YWHAG: variants seen among roughly 807,000 people sequenced by gnomAD.
YWHAG encodes tyrosine 3-monooxygenase/tryptophan 5-monooxygenase activation protein gamma.
Under a neutral mutation model 23.3 loss-of-function variants are expected in YWHAG, and 1 was observed. That is an observed-to-expected ratio of 0.04 (90% CI 0.02 to 0.20). The LOEUF is 0.20. Ranked by LOEUF, YWHAG falls within the 10% of genes least tolerant of loss-of-function variation. The probability of loss-of-function intolerance (pLI) is 1.00; values close to 1 mark genes in which losing one functional copy is unlikely to be tolerated. For missense variants in YWHAG, 151 were observed against 338.6 expected, an observed-to-expected ratio of 0.45 and a Z score of 4.35; for synonymous variants, 160 against 144.0, an observed-to-expected ratio of 1.11 and a Z score of -0.80.
At chr7:76,350,442 G>A (rs1476019243) in intron 1 of YWHAG, among the ~76,000 whole-genome samples, 2 of 152,192 alleles carry the variant, frequency 1.3e-5, no homozygotes, top group African/African-American at 4.8e-5. Context: ...GTGCCTGAAA[G>A]ATACCAGATA....
chr7:76,335,777 C>T (rs1030963229), intron 1 of YWHAG, among the ~76,000 whole-genome samples: 1 of 152,162 alleles, frequency 6.6e-6, no homozygotes, highest in Admixed American at 6.5e-5. Flanking sequence ...ATGGCGAAAC[C>T]CTGTCTCTAC....
rs1262235422 is a variant in YWHAG, at chr7:76,339,756, T to C, written c.88-9523A>G. ...GACTTTTACAATGACCCACTTCCAC[T>C]TAATGAAGAGTAAATACAGTTTCTC... is the stretch of plus-strand genomic sequence containing the variant. On this transcript the variant is annotated intron_variant, in intron 1 of 1. Coordinates refer to ENST00000307630, the MANE Select transcript of YWHAG (RefSeq NM_012479.4). 2.0e-5 allele frequency among the ~76,000 whole-genome samples: 3 copies of C among 152,284 alleles called. No homozygotes were observed. The East Asian group carries it at 5.8e-4, about 29-fold the overall frequency.
At chr7:76,357,686 A>T (rs535391130) in intron 1 of YWHAG, among the ~76,000 whole-genome samples, 16 of 152,108 alleles carry the variant, frequency 1.1e-4, no homozygotes, top group Non-Finnish European at 8.8e-5. Flanking sequence ...AACAACCAAA[A>T]ATTTTTAAAA....
At chr7:76,342,349 C>A (rs77350324) in intron 1 of YWHAG, among the ~76,000 whole-genome samples, 14,440 of 152,180 alleles carry the variant, frequency 0.095, 761 homozygotes, top group East Asian at 0.2. Flanking sequence ...ATAATCCACA[C>A]CTTCCTCCCC....
rs145754520 is a variant in YWHAG at position 76,329,742 on chromosome 7, C to A, written c.579G>T (p.Ala193=). ...YYEIQNAPEQ[A]CHLAKTAFDD... is the part of the protein sequence containing the mutation. The stretch of plus-strand genomic sequence containing the variant: ...CGAACGCGGTCTTGGCCAAGTGGCA[C>A]GCTTGCTCTGGGGCGTTCTGGATCT... The change falls in exon 2 of 2, where the codon GCG becomes GCT. Residue 193 remains alanine (A), a synonymous_variant. Transcript: ENST00000307630. This position sits in a 1 kb window ranked among gnomAD's most constrained non-coding sequence, Gnocchi z 6.1. 19 of 1,614,040 alleles carry A rather than the reference C, an allele frequency of 1.2e-5. No homozygotes were observed. Among genetic ancestry groups the A allele is most frequent in the Non-Finnish European group, 1.6e-5 (19 of 1,180,044 alleles).
chr7:76,330,229 G>A lies in YWHAG; in HGVS notation c.92C>T (p.Thr31Ile). 6.2e-7 allele frequency: 1 copy of A among 1,611,000 alleles called. No homozygotes were observed. ...ATTCGACAGTGGCTCATTCAGCTCT[G>A]TCACCTGCCAGGAGGAAAGAACAGA... ...DDMAAAMKNVTELNEPLSNEE... is the reference protein window; with the variant it reads ...DDMAAAMKNVIELNEPLSNEE... The change falls in exon 2 of 2, where the codon ACA (threonine) becomes ATA (isoleucine). Residue 31 changes from threonine to isoleucine, a missense_variant. Transcript: ENST00000307630.
At chr7:76,348,264 CG>C (rs1304818994) in intron 1 of YWHAG, among the ~76,000 whole-genome samples, 2 of 109,866 alleles carry the variant, frequency 1.8e-5, no homozygotes, top group East Asian at 3.8e-4. Flanking sequence ...CCTTAGACTT[CG>C]TTTTTTTTTT....
intron 1 of YWHAG, among the ~76,000 whole-genome samples, chr7:76,336,493 T>C (rs975641052): frequency 6.8e-6 from 1 of 146,740 alleles, no homozygotes; most frequent in Non-Finnish European, 1.5e-5. Context: ...TTTCACTCTG[T>C]CACCCAGGCT....
At chr7:76,331,306 A>AG (rs796983851) in intron 1 of YWHAG, among the ~76,000 whole-genome samples, 7 of 151,976 alleles carry the variant, frequency 4.6e-5, no homozygotes, top group African/African-American at 7.3e-5. Flanking sequence ...AGGAGAGGAG[A>AG]GAAGAAAAGT....
At chr7:76,342,747 T>C (rs1216565154) in intron 1 of YWHAG, among the ~76,000 whole-genome samples, 1 of 152,140 alleles carries the variant, frequency 6.6e-6, no homozygotes, top group Non-Finnish European at 1.5e-5. Flanking sequence ...TCAAACAAAC[T>C]AGTGACTATT....
chr7:76,338,539 GC>G (rs1803647868), intron 1 of YWHAG, among the ~76,000 whole-genome samples: 1 of 152,072 alleles, frequency 6.6e-6, no homozygotes, highest in South Asian at 2.1e-4. Context: ...AAAAACTCCA[GC>G]CCTCAGGCTG....
chr7:76,334,025 A>G (rs1161881736), intron 1 of YWHAG, among the ~76,000 whole-genome samples: 1 of 152,242 alleles, frequency 6.6e-6, no homozygotes, highest in Non-Finnish European at 1.5e-5. Context: ...AGATTATGAA[A>G]TGCCAGGATC....
intron 1 of YWHAG, among the ~76,000 whole-genome samples, chr7:76,344,242 C>G (rs1345091006): frequency 1.3e-5 from 2 of 152,150 alleles, no homozygotes; most frequent in African/African-American, 4.8e-5. Flanking sequence ...TCCCAAGTAT[C>G]TGGGACCACA....
At position 76,329,925 on chromosome 7, in the gene YWHAG, G is replaced by C. The variant is rs541111384; in HGVS notation, c.396C>G (p.Arg132=). The C allele has an allele frequency of 6.2e-7, 1 of 1,614,122 alleles. No individual in the cohort carries two copies. The highest frequency in any genetic ancestry group is 1.7e-5 in the Admixed American group (1 of 60,006). Residue 132 remains arginine, a synonymous_variant, in exon 2 of 2, where the codon CGC becomes CGG. Transcript: ENST00000307630. This position sits in a 1 kb window ranked among gnomAD's most constrained non-coding sequence, Gnocchi z 6.1. ...FYLKMKGDYY[R]YLAEVATGEK... ...CTCCGGTGGCCACTTCAGCCAGGTA[G>C]CGGTAGTAGTCCCCTTTCATCTTCA...
chr7:76,340,064 G>A (rs1803668892), intron 1 of YWHAG, among the ~76,000 whole-genome samples: 1 of 152,022 alleles, frequency 6.6e-6, no homozygotes, highest in African/African-American at 2.4e-5. Flanking sequence ...ACTCCTGCCT[G>A]GGCGACACAG....
intron 1 of YWHAG, among the ~76,000 whole-genome samples, chr7:76,357,378 G>A (rs1803976673): frequency 1.3e-5 from 2 of 152,188 alleles, no homozygotes; most frequent in African/African-American, 4.8e-5. Flanking sequence ...ACTTCACAAT[G>A]GAGATGAATT....
chr7:76,358,991 C>CGGCTGCTGT (rs967183943), upstream of YWHAG: 48 of 485,552 alleles, frequency 9.9e-5, no homozygotes, highest in Non-Finnish European at 1.4e-4. Context: ...GAGGCGGCTG[C>CGGCTGCTGT]GGCTGCTGTG....
chr7:76,329,049 C>A lies in YWHAG; in HGVS notation c.*528G>T, dbSNP rs776743778. On this transcript the variant is annotated 3_prime_UTR_variant, in exon 2 of 2. Transcript: ENST00000307630. This position sits in a 1 kb window ranked among gnomAD's most constrained non-coding sequence, Gnocchi z 6.1. Reference sequence around the variant, plus strand: ...AGAGACTTCGGAAAACTGGCAAGGCCTAAACCATAAGGATGAATGAGACCT... The same window carrying A: ...AGAGACTTCGGAAAACTGGCAAGGCATAAACCATAAGGATGAATGAGACCT... 6.5e-6 allele frequency: 1 copy of A among 154,020 alleles called. No individual in the cohort carries two copies. Among genetic ancestry groups the A allele is most frequent in the Non-Finnish European group, 1.4e-5 (1 of 69,234 alleles). The allele number at this position is 154,020 out of a possible 1,614,324, so 9.5% of individuals were successfully genotyped here.
chr7:76,334,020 A>G (rs911670104), intron 1 of YWHAG, among the ~76,000 whole-genome samples: 2 of 152,234 alleles, frequency 1.3e-5, no homozygotes, highest in Non-Finnish European at 2.9e-5. Flanking sequence ...CAAGGAGATT[A>G]TGAAATGCCA....
Sources: gnomAD v4.1 joint callset for allele counts (sites outside exome capture counted in the v4.1 genomes callset) on GRCh38, gnomAD v4.1.1 for gene constraint, Gnocchi (gnomAD v3.1) non-coding constraint, MANE v1.5 for transcripts, NCBI Gene and HGNC (gene_info 2026-07-23, HGNC 2026-07-21) for gene names.